PRKG1: variants seen among roughly 807,000 people sequenced by gnomAD.
PRKG1 encodes the protein cGMP-dependent protein kinase 1.
A neutral mutation model predicts 88.1 loss-of-function variants in PRKG1; 35 were observed. That is an observed-to-expected ratio of 0.40 (90% CI 0.30 to 0.53). The LOEUF (loss-of-function observed/expected upper bound fraction) is 0.53. PRKG1 is among the 20% of genes least tolerant of loss of function. PRKG1 has a pLI of 0.59. For missense variants in PRKG1, 540 were observed against 839.8 expected (o/e 0.64, Z 4.41); for synonymous variants, 303 against 292.5 (o/e 1.04, Z -0.37).
chr10:51,419,749 C>T (rs948562643), intron 2 of PRKG1, among the ~76,000 whole-genome samples: 3 of 151,396 alleles, frequency 2.0e-5, no homozygotes, highest in Non-Finnish European at 4.4e-5. Context: ...ACCAAAAAAA[C>T]GCCAGAGGTT....
intron 2 of PRKG1, among the ~76,000 whole-genome samples, chr10:51,348,162 C>A (rs1460535181): frequency 6.6e-6 from 1 of 151,978 alleles, no homozygotes; most frequent in Non-Finnish European, 1.5e-5. Flanking sequence ...ATATAATAAA[C>A]CTATCACATT....
chr10:52,126,580 A>G (rs1375589812), intron 7 of PRKG1, among the ~76,000 whole-genome samples: 1 of 152,120 alleles, frequency 6.6e-6, no homozygotes, highest in Non-Finnish European at 1.5e-5. Context: ...TCTTGGGCTC[A>G]AGTGATCTTC....
chr10:51,392,285 G>A lies in PRKG1; in HGVS notation c.479-75438G>A, dbSNP rs541313362. 6.4e-3 allele frequency among the ~76,000 whole-genome samples: 976 copies of A among 152,028 alleles called. 5 individuals carry two copies. The highest frequency in any genetic ancestry group is 0.021 in the African/African-American group (889 of 41,446). On this transcript the variant is annotated intron_variant, in intron 2 of 17. Coordinates refer to ENST00000373980, the MANE Select transcript of PRKG1 (RefSeq NM_006258.4). ...TAGGCAGAGGACCCTGCGGCCTTCCGCAGTGTTTGTGTCCCTGGGTACATG... is the reference window on the plus strand; with the variant it reads ...TAGGCAGAGGACCCTGCGGCCTTCCACAGTGTTTGTGTCCCTGGGTACATG...
chr10:52,054,435 G>A (rs761239418), intron 5 of PRKG1, 49 bp from the exon 6 acceptor site: 1 of 1,419,304 alleles, frequency 7.0e-7, no homozygotes, highest in South Asian at 1.2e-5. Context: ...GAGCTGTTTG[G>A]TAACTTACTG....
chr10:51,805,346 AT>A (rs1465844686), intron 4 of PRKG1, among the ~76,000 whole-genome samples: 1 of 152,036 alleles, frequency 6.6e-6, no homozygotes, highest in African/African-American at 2.4e-5. Context: ...TTAGGAATAC[AT>A]TGATACTCAC....
chr10:51,052,127 A>C (rs150182643), intron 1 of PRKG1, among the ~76,000 whole-genome samples: 99 of 152,272 alleles, frequency 6.5e-4, no homozygotes, highest in Non-Finnish European at 1.2e-3. Flanking sequence ...CATTTTGTAA[A>C]ATTTTATTGT....
chr10:51,505,769 T>C (rs1189270084), intron 3 of PRKG1, among the ~76,000 whole-genome samples: 1 of 152,186 alleles, frequency 6.6e-6, no homozygotes, highest in Non-Finnish European at 1.5e-5. Context: ...GAGGTGTTTA[T>C]AGTATTCTCT....
chr10:51,429,870 T>C (rs932220191), intron 2 of PRKG1, among the ~76,000 whole-genome samples: 8 of 151,318 alleles, frequency 5.3e-5, no homozygotes, highest in African/African-American at 1.9e-4. Context: ...CTCAAAGACC[T>C]TTAGTATACC....
intron 3 of PRKG1, among the ~76,000 whole-genome samples, chr10:51,776,431 G>A (rs1300008619): frequency 6.6e-6 from 1 of 152,066 alleles, no homozygotes; most frequent in African/African-American, 2.4e-5. Flanking sequence ...GGGACCTGAC[G>A]ACTATTTTTA....
intron 3 of PRKG1, among the ~76,000 whole-genome samples, chr10:51,757,609 A>T (rs1356499985): frequency 6.6e-6 from 1 of 152,132 alleles, no homozygotes; most frequent in Non-Finnish European, 1.5e-5. Context: ...GCAGCTAGCC[A>T]CAAGTGGTTA....
chr10:51,093,163 A>G (rs1480076039), intron 1 of PRKG1, among the ~76,000 whole-genome samples: 2 of 152,180 alleles, frequency 1.3e-5, no homozygotes, highest in Non-Finnish European at 2.9e-5. Context: ...AAACAGCTTC[A>G]GCGTCACCTG....
At chr10:51,647,590 A>G (rs1225922574) in intron 3 of PRKG1, among the ~76,000 whole-genome samples, 1 of 152,218 alleles carries the variant, frequency 6.6e-6, no homozygotes, top group East Asian at 1.9e-4. Context: ...TCAAAATTCA[A>G]TGACTAATTG....
In PRKG1 at chr10:51,386,293, A is replaced by AG. The variant is rs550485071; in HGVS notation, c.479-81427dup. Among the ~76,000 whole-genome samples, 357 of 152,276 alleles carry AG rather than the reference A, an allele frequency of 2.3e-3. 2 individuals are homozygous for AG. The highest frequency in any genetic ancestry group is 8.0e-3 in the African/African-American group (332 of 41,564). On this transcript the variant is annotated intron_variant, in intron 2 of 17. Coordinates refer to ENST00000373980, the MANE Select transcript of PRKG1 (RefSeq NM_006258.4). ...TTTCTATAGCAGTCATGTATTACTCAGGGTTCTTTAAAGAAACGTTAAGGA... is the reference window on the plus strand; with the variant it reads ...TTTCTATAGCAGTCATGTATTACTCAGGGGTTCTTTAAAGAAACGTTAAGGA...
chr10:51,847,581 C>G (rs1385014447), intron 4 of PRKG1, among the ~76,000 whole-genome samples: 2 of 150,858 alleles, frequency 1.3e-5, no homozygotes, highest in Admixed American at 6.6e-5. Context: ...AATTAATGAT[C>G]TATTGACAGC....
At chr10:51,013,639 C>A (rs898031665) in intron 1 of PRKG1, among the ~76,000 whole-genome samples, 8 of 152,050 alleles carry the variant, frequency 5.3e-5, no homozygotes, top group Non-Finnish European at 1.2e-4. Flanking sequence ...ATCTGCCCAC[C>A]TAAGCCTCCC....
chr10:51,351,118 A>G (rs889335911), intron 2 of PRKG1, among the ~76,000 whole-genome samples: 56 of 152,134 alleles, frequency 3.7e-4, no homozygotes, highest in African/African-American at 1.1e-3. Context: ...ATAGTATTCC[A>G]TGGTATATAT....
At chr10:51,099,956 C>T (rs369110569) in intron 1 of PRKG1, among the ~76,000 whole-genome samples, 10 of 152,230 alleles carry the variant, frequency 6.6e-5, no homozygotes, top group Admixed American at 2.6e-4. Context: ...CGTGCAGTGG[C>T]ACAATCATAG....
intron 4 of PRKG1, among the ~76,000 whole-genome samples, chr10:51,863,692 G>A (rs977259735): frequency 1.3e-5 from 2 of 152,258 alleles, no homozygotes; most frequent in East Asian, 3.9e-4. Flanking sequence ...GGTAGAGCAA[G>A]AAGGCCCTCA....
chr10:51,504,084 C>T (rs1201626847), intron 3 of PRKG1, among the ~76,000 whole-genome samples: 6 of 151,986 alleles, frequency 3.9e-5, no homozygotes, highest in African/African-American at 7.2e-5. Context: ...AAAGCGGAGC[C>T]CTGTTAGGAT....
Sources: allele counts gnomAD v4.1 joint callset (sites outside exome capture counted in the v4.1 genomes callset), GRCh38; gene constraint gnomAD v4.1.1; transcripts MANE v1.5; gene names NCBI Gene and HGNC (gene_info 2026-07-23, HGNC 2026-07-21).